The following PRKN variants were observed in gnomAD, a reference collection of about 807,000 sequenced individuals.
The protein encoded by PRKN is parkin RBR E3 ubiquitin protein ligase, also known as E3 ubiquitin-protein ligase parkin.
Under a neutral mutation model 59.5 loss-of-function variants are expected in PRKN, and 56 were observed. The ratio of observed to expected loss-of-function variants is 0.94; its 90% CI spans 0.76 to 1.18. PRKN has a LOEUF of 1.18. Ranked by LOEUF, PRKN falls within the 50% of genes most tolerant of loss-of-function variation. The pLI is 0.00. For missense variants in PRKN, 657 were observed against 596.4 expected (o/e 1.10, Z -1.06); for synonymous variants, 250 against 222.1 (o/e 1.13, Z -1.12).
chr6:161,439,903 G>A (rs538409539), intron 9 of PRKN, among the ~76,000 whole-genome samples: 92 of 151,996 alleles, frequency 6.1e-4, no homozygotes, highest in African/African-American at 2.0e-3. Context: ...GCTGAGATTC[G>A]AGCATCAGTA....
chr6:161,829,485 G>A (rs1230010594), intron 6 of PRKN, among the ~76,000 whole-genome samples: 12 of 152,134 alleles, frequency 7.9e-5, no homozygotes, highest in East Asian at 7.7e-4. Context: ...TGCTCCCTGC[G>A]GTCTGAGGAT....
At chr6:161,790,492 A>G (rs952782299) in intron 6 of PRKN, among the ~76,000 whole-genome samples, 1 of 152,170 alleles carries the variant, frequency 6.6e-6, no homozygotes, top group Non-Finnish European at 1.5e-5. Flanking sequence ...TATCTCCAAA[A>G]TGATGGTGTT....
chr6:162,669,485 T>C (rs1224066403), intron 1 of PRKN, among the ~76,000 whole-genome samples: 3 of 152,158 alleles, frequency 2.0e-5, no homozygotes, highest in African/African-American at 4.8e-5. Flanking sequence ...CGTTTACATA[T>C]ATATTTTTAA....
chr6:161,658,260 T>C (rs1424685423), intron 7 of PRKN, among the ~76,000 whole-genome samples: 4 of 152,150 alleles, frequency 2.6e-5, no homozygotes, highest in African/African-American at 7.2e-5. Flanking sequence ...AAAAGAATAA[T>C]TGCATTATTC....
chr6:161,656,064 G>A (rs1226257030), intron 7 of PRKN, among the ~76,000 whole-genome samples: 2 of 152,172 alleles, frequency 1.3e-5, no homozygotes, highest in Non-Finnish European at 2.9e-5. Context: ...GAGGTAGCCC[G>A]CTGCCTCCAA....
chr6:161,610,087 T>C (rs959663755), intron 7 of PRKN, among the ~76,000 whole-genome samples: 1 of 152,344 alleles, frequency 6.6e-6, no homozygotes, highest in East Asian at 1.9e-4. Flanking sequence ...AAGATATTAA[T>C]AAATTGTATT....
rs1251798852 is a variant in PRKN at position 161,414,235 on chromosome 6, C to G, written c.1084-27358G>C. Among the ~76,000 whole-genome samples the G allele has an allele frequency of 6.6e-6, 1 of 152,198 alleles. No individual in the cohort carries two copies. The highest frequency in any genetic ancestry group is 1.5e-5 in the Non-Finnish European group (1 of 68,036). ...AGAGGCTCTTTCCAGCATTTTCTCC[C>G]CAGATGTCAGAGCCGTGCACCCTTC... On this transcript the variant is annotated intron_variant, in intron 9 of 11. Transcript: ENST00000366898. The surrounding 1 kb of genome is among the most constrained non-coding windows in gnomAD (Gnocchi z 5.3).
rs138666955 is a variant in PRKN at position 162,097,901 on chromosome 6, T to C, written c.535-43727A>G. ...CTCTAATGCTGGTGAAATTTTTTAATTACCGATGACTTCACCAAAGTTTGT... is the reference window on the plus strand; with the variant it reads ...CTCTAATGCTGGTGAAATTTTTTAACTACCGATGACTTCACCAAAGTTTGT... On this transcript the variant is annotated intron_variant, in intron 4 of 11. Coordinates refer to ENST00000366898, the MANE Select transcript of PRKN (RefSeq NM_004562.3). 7.4e-3 allele frequency among the ~76,000 whole-genome samples: 1,131 copies of C among 152,320 alleles called. 12 individuals carry two copies. Among genetic ancestry groups the C allele is most frequent in the African/African-American group, 0.026 (1,092 of 41,560 alleles).
At chr6:162,691,829 ATC>A (rs1410285867) in intron 1 of PRKN, among the ~76,000 whole-genome samples, 1 of 152,326 alleles carries the variant, frequency 6.6e-6, no homozygotes, top group East Asian at 1.9e-4. Context: ...AAAGGAAGAC[ATC>A]TCTCTCTTAC....
intron 3 of PRKN, among the ~76,000 whole-genome samples, chr6:162,209,063 A>G (rs1418872308): frequency 6.6e-6 from 1 of 152,212 alleles, no homozygotes; most frequent in African/African-American, 2.4e-5. Flanking sequence ...CTGAAACACC[A>G]AAAGCAATGG....
intron 7 of PRKN, among the ~76,000 whole-genome samples, chr6:161,656,635 G>C (rs1360979076): frequency 6.6e-6 from 1 of 152,100 alleles, no homozygotes; most frequent in African/African-American, 2.4e-5. Flanking sequence ...CCAAATCTCT[G>C]TCTCTAGCCC....
chr6:162,231,077 G>A (rs918983167), intron 3 of PRKN, among the ~76,000 whole-genome samples: 7 of 152,086 alleles, frequency 4.6e-5, no homozygotes, highest in Admixed American at 2.6e-4. Context: ...GAGGAAATTC[G>A]CTCCTCACTG....
chr6:161,441,972 C>T (rs1328587071), intron 9 of PRKN, among the ~76,000 whole-genome samples: 3 of 152,120 alleles, frequency 2.0e-5, no homozygotes, highest in African/African-American at 7.2e-5. Context: ...GCCAATCAGC[C>T]CAGCAAGCAG....
At chr6:162,544,676 T>A (rs1413330542) in intron 1 of PRKN, among the ~76,000 whole-genome samples, 1 of 133,238 alleles carries the variant, frequency 7.5e-6, no homozygotes, top group Non-Finnish European at 1.6e-5. Flanking sequence ...TTGTTGATTT[T>A]TTTTTTTTTT....
intron 7 of PRKN, among the ~76,000 whole-genome samples, chr6:161,718,444 G>T (rs149569611): frequency 0.016 from 2,450 of 152,278 alleles, 73 homozygotes; most frequent in African/African-American, 0.056. Context: ...CATGTAGAAG[G>T]TAATTGACAA....
intron 6 of PRKN, among the ~76,000 whole-genome samples, chr6:161,916,292 T>C (rs897310938): frequency 6.6e-6 from 1 of 152,186 alleles, no homozygotes; most frequent in African/African-American, 2.4e-5. Context: ...TGGGACTGTT[T>C]ATGAAATAGG....
At chr6:162,236,271 A>C (rs1778705885) in intron 3 of PRKN, among the ~76,000 whole-genome samples, 2 of 152,186 alleles carry the variant, frequency 1.3e-5, no homozygotes, top group South Asian at 4.1e-4. Context: ...GATTAGCTGG[A>C]TTGCTTGTCC....
rs538747496 is a variant in PRKN, at chr6:161,458,822, G to A, written c.1084-71945C>T. ...GAAATACTGACTTTGCCAGAAATTC[G>A]TAAATTTTTAGGAAAGTGAAGAGCA... On this transcript the variant is annotated intron_variant, in intron 9 of 11. Coordinates refer to ENST00000366898, the MANE Select transcript of PRKN (RefSeq NM_004562.3). This position sits in a 1 kb window ranked among gnomAD's most constrained non-coding sequence, Gnocchi z 6.1. Among the ~76,000 whole-genome samples, 1 of 152,212 alleles carries A rather than the reference G, an allele frequency of 6.6e-6. No homozygotes were observed. Among genetic ancestry groups the A allele is most frequent in the African/African-American group, 2.4e-5 (1 of 41,558 alleles).
In PRKN at chr6:162,386,403, T is replaced by C. The variant is rs78684026; in HGVS notation, c.171+56907A>G. ...ACCCTATAGTTTATGTGAAACTATA[T>C]GTTATGTAACTGAAATATTTTCACC... is the stretch of plus-strand genomic sequence containing the variant. On this transcript the variant is annotated intron_variant, in intron 2 of 11. Coordinates refer to ENST00000366898, the MANE Select transcript of PRKN (RefSeq NM_004562.3). Among the ~76,000 whole-genome samples the C allele has an allele frequency of 5.1e-3, 780 of 152,350 alleles. 13 individuals carry two copies. The highest frequency in any genetic ancestry group is 0.018 in the African/African-American group (749 of 41,576).
Sources: gnomAD v4.1 joint callset for allele counts (sites outside exome capture counted in the v4.1 genomes callset) on GRCh38, gnomAD v4.1.1 for gene constraint, Gnocchi (gnomAD v3.1) non-coding constraint, MANE v1.5 for transcripts, NCBI Gene and HGNC (gene_info 2026-07-23, HGNC 2026-07-21) for gene names.